Variants in CADM2 observed in about 807,000 individuals in gnomAD.
The protein encoded by CADM2 is cell adhesion molecule 2.
In CADM2, 12 loss-of-function variants were observed where a neutral mutation model predicts 49.8. The observed-to-expected ratio is 0.24, with a 90% CI of 0.15 to 0.39. CADM2 has a LOEUF of 0.39. Among genes scored for constraint, CADM2 ranks in the 10% least tolerant of loss-of-function variants. CADM2 has a pLI of 1.00. For synonymous variants in CADM2, 214 were observed against 175.4 expected, an observed-to-expected ratio of 1.22 and a Z score of -1.74; for missense variants, 378 against 492.3, an observed-to-expected ratio of 0.77 and a Z score of 2.20.
chr3:85,055,099 C>G (rs1308617360), intron 1 of CADM2, among the ~76,000 whole-genome samples: 1 of 151,832 alleles, frequency 6.6e-6, no homozygotes, highest in Non-Finnish European at 1.5e-5. Flanking sequence ...TCTGCCATGA[C>G]CCCACAGGGC....
chr3:85,227,895 A>G (rs1401184108), intron 1 of CADM2, among the ~76,000 whole-genome samples: 1 of 152,088 alleles, frequency 6.6e-6, no homozygotes, highest in African/African-American at 2.4e-5. Flanking sequence ...TCACTTATAA[A>G]GCTTAGTTTG....
intron 1 of CADM2, among the ~76,000 whole-genome samples, chr3:85,292,679 C>A (rs1458488971): frequency 2.0e-5 from 3 of 151,694 alleles, no homozygotes; most frequent in Non-Finnish European, 4.4e-5. Flanking sequence ...CAACCTGCTC[C>A]TGAATGACTA....
intron 1 of CADM2, among the ~76,000 whole-genome samples, chr3:85,459,393 G>A (rs2038137226): frequency 6.6e-6 from 1 of 152,190 alleles, no homozygotes; most frequent in South Asian, 2.1e-4. Flanking sequence ...ACCCGAATAA[G>A]AGACTAGAAA....
At chr3:85,312,103 G>T (rs768233796) in intron 1 of CADM2, among the ~76,000 whole-genome samples, 94 of 151,940 alleles carry the variant, frequency 6.2e-4, no homozygotes, top group Admixed American at 1.2e-3. Flanking sequence ...CTCATCCAAA[G>T]TTTCATTAGA....
At chr3:85,408,714 G>C (rs1398623869) in intron 1 of CADM2, among the ~76,000 whole-genome samples, 1 of 152,114 alleles carries the variant, frequency 6.6e-6, no homozygotes, top group African/African-American at 2.4e-5. Context: ...TGTATCTTAA[G>C]GACATGTGCT....
chr3:85,024,851 G>C (rs1035140674), intron 1 of CADM2, among the ~76,000 whole-genome samples: 1 of 151,800 alleles, frequency 6.6e-6, no homozygotes, highest in African/African-American at 2.4e-5. Flanking sequence ...ATATACAATA[G>C]TCTCATTCAA....
In CADM2 at chr3:85,034,201, T is replaced by C. The variant is rs116932888; in HGVS notation, c.61+74533T>C. 1.8e-3 allele frequency among the ~76,000 whole-genome samples: 272 copies of C among 152,286 alleles called. 9 individuals are homozygous for C. In the East Asian group the frequency reaches 0.045, roughly 25 times the overall value. ...TGTCTACTGTGTCACCCTGTTGTGCTGTCAAATGCTAGGTCTTATTCATTC... is the reference window on the plus strand; with the variant it reads ...TGTCTACTGTGTCACCCTGTTGTGCCGTCAAATGCTAGGTCTTATTCATTC... On this transcript the variant is annotated intron_variant, in intron 1 of 9. Transcript: ENST00000383699.
intron 1 of CADM2, among the ~76,000 whole-genome samples, chr3:85,481,372 C>G (rs2039203418): frequency 6.6e-6 from 1 of 151,456 alleles, no homozygotes; most frequent in Non-Finnish European, 1.5e-5. Flanking sequence ...TATTGACAGA[C>G]AAGTAATTAT....
chr3:85,637,340 C>G (rs1423282520), intron 1 of CADM2, among the ~76,000 whole-genome samples: 1 of 151,768 alleles, frequency 6.6e-6, no homozygotes, highest in East Asian at 1.9e-4. Context: ...CGGTGGCTCA[C>G]GCCTGTAATC....
chr3:85,865,806 T>C (rs147500313), intron 3 of CADM2, among the ~76,000 whole-genome samples: 4 of 152,230 alleles, frequency 2.6e-5, no homozygotes, highest in African/African-American at 9.6e-5. Context: ...AGATACAATA[T>C]TATCACAGAA....
At chr3:85,296,949 T>C (rs1421250577) in intron 1 of CADM2, among the ~76,000 whole-genome samples, 1 of 152,088 alleles carries the variant, frequency 6.6e-6, no homozygotes, top group East Asian at 1.9e-4. Flanking sequence ...TAATTATATT[T>C]TATTGGGTTC....
At chr3:85,656,550 A>G (rs2065203241) in intron 1 of CADM2, among the ~76,000 whole-genome samples, 1 of 152,140 alleles carries the variant, frequency 6.6e-6, no homozygotes, top group Non-Finnish European at 1.5e-5. Flanking sequence ...TGAGAGGCGG[A>G]GGTTGCAGTT....
intron 1 of CADM2, among the ~76,000 whole-genome samples, chr3:84,960,735 G>T (rs1426510586): frequency 6.6e-6 from 1 of 152,152 alleles, no homozygotes; most frequent in Admixed American, 6.5e-5. Context: ...CTTTTCTCCA[G>T]ACCCTCTTTT....
chr3:85,814,990 A>G (rs2073124271), intron 3 of CADM2, among the ~76,000 whole-genome samples: 1 of 152,012 alleles, frequency 6.6e-6, no homozygotes, highest in Non-Finnish European at 1.5e-5. Flanking sequence ...AAACTAGAAA[A>G]CCTAGGAGAA....
chr3:85,930,880 G>A (rs547392614), intron 6 of CADM2, among the ~76,000 whole-genome samples: 22 of 149,832 alleles, frequency 1.5e-4, no homozygotes, highest in African/African-American at 5.4e-4. Flanking sequence ...AAATATTTAA[G>A]ATTAATTATA....
chr3:84,986,738 A>G (rs1299509204), intron 1 of CADM2, among the ~76,000 whole-genome samples: 1 of 150,580 alleles, frequency 6.6e-6, no homozygotes, highest in Non-Finnish European at 1.5e-5. Flanking sequence ...ATGTACCCTA[A>G]AACTTAAAGT....
chr3:85,821,176 C>A (rs1361939439), intron 3 of CADM2, among the ~76,000 whole-genome samples: 2 of 152,150 alleles, frequency 1.3e-5, no homozygotes, highest in East Asian at 3.9e-4. Flanking sequence ...CTCCTTCAAG[C>A]ATGCTTTACC....
chr3:85,524,635 GA>G (rs979555278), intron 1 of CADM2, among the ~76,000 whole-genome samples: 1 of 152,058 alleles, frequency 6.6e-6, no homozygotes, highest in African/African-American at 2.4e-5. Context: ...CCAAAATTTT[GA>G]TTAAATTAGT....
chr3:85,674,927 G>C (rs2065849905), intron 1 of CADM2, among the ~76,000 whole-genome samples: 4 of 152,028 alleles, frequency 2.6e-5, no homozygotes. Flanking sequence ...GAATAATTGT[G>C]TTTCAGTTCT....
Sources: allele counts gnomAD v4.1 joint callset (sites outside exome capture counted in the v4.1 genomes callset), GRCh38; gene constraint gnomAD v4.1.1; transcripts MANE v1.5; gene names NCBI Gene and HGNC (gene_info 2026-07-23, HGNC 2026-07-21).